Variants in TRAK1 observed in about 807,000 individuals in gnomAD.
TRAK1 encodes the protein trafficking kinesin-binding protein 1.
In TRAK1, 33 loss-of-function variants were observed where a neutral mutation model predicts 92.1. The observed-to-expected ratio is 0.36, with a 90% CI of 0.27 to 0.48. The LOEUF (loss-of-function observed/expected upper bound fraction) is 0.48. Among genes scored for constraint, TRAK1 ranks in the 20% least tolerant of loss-of-function variants. TRAK1 has a pLI of 0.99. For missense variants in TRAK1, 1,123 were observed against 1,257.9 expected (o/e 0.89, Z 1.62); for synonymous variants, 521 against 517.3 (o/e 1.01, Z -0.10).
At chr3:42,075,518 T>G (rs939159333) in intron 1 of TRAK1, among the ~76,000 whole-genome samples, 3 of 152,206 alleles carry the variant, frequency 2.0e-5, no homozygotes, top group Non-Finnish European at 4.4e-5. Context: ...ATGGGATTGT[T>G]GCGTTGAATG....
chr3:42,074,762 G>A (rs1704078472), intron 1 of TRAK1, among the ~76,000 whole-genome samples: 1 of 151,826 alleles, frequency 6.6e-6, no homozygotes, highest in Admixed American at 6.6e-5. Context: ...CTGTCACAGG[G>A]GATTGGTGTA....
intron 1 of TRAK1, among the ~76,000 whole-genome samples, chr3:42,022,123 A>G (rs1004439698): frequency 6.6e-6 from 1 of 152,190 alleles, no homozygotes. Context: ...TTGCTCACCC[A>G]TCAACTAGCT....
intron 2 of TRAK1, among the ~76,000 whole-genome samples, chr3:42,170,222 A>G (rs1023080111): frequency 1.3e-5 from 2 of 152,240 alleles, no homozygotes; most frequent in Non-Finnish European, 2.9e-5. Context: ...TTCAAAAGCT[A>G]CAAGCTTTTA....
At chr3:42,216,606 G>C (rs1031262935) in intron 14 of TRAK1, among the ~76,000 whole-genome samples, 1 of 152,162 alleles carries the variant, frequency 6.6e-6, no homozygotes, top group African/African-American at 2.4e-5. Context: ...CGACAGCTAC[G>C]GGCAGTTCAT....
chr3:42,117,541 C>T (rs1709317951), intron 1 of TRAK1, among the ~76,000 whole-genome samples: 1 of 152,132 alleles, frequency 6.6e-6, no homozygotes, highest in Non-Finnish European at 1.5e-5. Flanking sequence ...TTTCTCAGAT[C>T]TCCTGCCAAC....
Position 42,174,229 on chromosome 3 carries a change from G to A in TRAK1, c.287-2585G>A, listed in dbSNP as rs963506125. 2.6e-5 allele frequency among the ~76,000 whole-genome samples: 4 copies of A among 151,836 alleles called. No homozygotes were observed. The East Asian group carries it at 7.7e-4, about 29-fold the overall frequency. On this transcript the variant is annotated intron_variant, in intron 2 of 15. Transcript: ENST00000327628. ...AGTAGAGACAGGTGTGCATTTTATT[G>A]GGTTCAATTTTTAAAATATTTTAAA... is the stretch of plus-strand genomic sequence containing the variant.
rs34202433 is a variant in TRAK1 at position 42,123,705 on chromosome 3, A to AT, written c.92-1703dup. Among the ~76,000 whole-genome samples the AT allele has an allele frequency of 6.4e-4, 96 of 149,408 alleles. 2 individuals carry two copies. Among genetic ancestry groups the AT allele is most frequent in the Admixed American group, 3.7e-3 (56 of 15,060 alleles). On this transcript the variant is annotated intron_variant, in intron 1 of 15. Transcript: ENST00000327628. ...TTGTGTGGTTTTATTTGTCACAAGT[A>AT]TTTTTTTTTTTTCTCTCCTCTGCCC...
At chr3:42,027,913 G>A (rs865896435) in intron 1 of TRAK1, among the ~76,000 whole-genome samples, 3 of 152,096 alleles carry the variant, frequency 2.0e-5, no homozygotes, top group Non-Finnish European at 4.4e-5. Context: ...GCAGTGGTGC[G>A]ATCTTGGCTC....
intron 2 of TRAK1, among the ~76,000 whole-genome samples, chr3:42,169,539 A>G (rs138784700): frequency 6.6e-6 from 1 of 152,210 alleles, no homozygotes; most frequent in East Asian, 1.9e-4. Context: ...TCCCTGTCAT[A>G]TAAAATGTGG....
At chr3:42,038,802 A>AAAAATTT (rs1559714995) in intron 1 of TRAK1, among the ~76,000 whole-genome samples, 2 of 105,922 alleles carry the variant, frequency 1.9e-5, no homozygotes, top group Non-Finnish European at 3.6e-5. Flanking sequence ...AAAAAAAAAA[A>AAAAATTT]GTTTTTTTTT....
chr3:42,084,911 A>G (rs1239526720), upstream of TRAK1, among the ~76,000 whole-genome samples: 1 of 151,734 alleles, frequency 6.6e-6, no homozygotes, highest in Admixed American at 6.6e-5. Context: ...CCAGGGATAT[A>G]CAGACTCTCC....
intron 1 of TRAK1, among the ~76,000 whole-genome samples, chr3:42,098,710 A>G (rs1706300339): frequency 6.6e-6 from 1 of 152,106 alleles, no homozygotes. Context: ...CTACTCTGCT[A>G]CCTTCTATCA....
rs895910950 is a variant in TRAK1 at position 42,157,369 on chromosome 3, A to G, written c.287-19445A>G. Among the ~76,000 whole-genome samples, 3 of 139,430 alleles carry G rather than the reference A, an allele frequency of 2.2e-5. No homozygotes were observed. In the Admixed American group the frequency reaches 2.4e-4, roughly 11 times the overall value. 91.5% of individuals were successfully genotyped at this position (139,430 alleles called of 152,430 possible). On this transcript the variant is annotated intron_variant, in intron 2 of 15. Transcript: ENST00000327628. Reference sequence around the variant, plus strand: ...AACTACTTAGGAGGCTGAGGCGGGAAGATCCCTTGAGCCTAGAGGTCGAGG... The same window carrying G: ...AACTACTTAGGAGGCTGAGGCGGGAGGATCCCTTGAGCCTAGAGGTCGAGG...
intron 10 of TRAK1, among the ~76,000 whole-genome samples, chr3:42,198,916 CT>C (rs1707144296): frequency 6.6e-6 from 1 of 152,104 alleles, no homozygotes; most frequent in African/African-American, 2.4e-5. Context: ...ATAGGGTTTG[CT>C]TTTAGACACC....
chr3:42,070,498 G>T (rs962861898), intron 1 of TRAK1, among the ~76,000 whole-genome samples: 9 of 152,012 alleles, frequency 5.9e-5, no homozygotes, highest in African/African-American at 1.9e-4. Context: ...CGCCATCATG[G>T]CTCACGGCAG....
intron 9 of TRAK1, 121 bp downstream of exon 9, chr3:42,194,019 T>A: frequency 1.0e-6 from 1 of 962,258 alleles, no homozygotes. Context: ...TTCATTTCAT[T>A]TTTATTCGTG....
At chr3:42,217,590 A>G in intron 14 of TRAK1, 1 of 985,288 alleles carries the variant, frequency 1.0e-6, no homozygotes, top group African/African-American at 1.7e-5. Context: ...TTTTGATTTG[A>G]TATTCTGGCC....
intron 7 of TRAK1, among the ~76,000 whole-genome samples, 166 bp from the exon 8 acceptor site, chr3:42,192,909 A>G (rs1434025239): frequency 6.6e-6 from 1 of 152,132 alleles, no homozygotes; most frequent in African/African-American, 2.4e-5. Context: ...TTGCTTCTCC[A>G]TGTGGGAAAA....
chr3:42,017,554 T>C (rs1441301139), intron 1 of TRAK1, among the ~76,000 whole-genome samples: 1 of 152,212 alleles, frequency 6.6e-6, no homozygotes, highest in Non-Finnish European at 1.5e-5. Flanking sequence ...TAGATGTATC[T>C]AAGTGGAGGC....
Sources: allele counts gnomAD v4.1 joint callset (sites outside exome capture counted in the v4.1 genomes callset), GRCh38; gene constraint gnomAD v4.1.1; transcripts MANE v1.5; gene names NCBI Gene and HGNC (gene_info 2026-07-23, HGNC 2026-07-21).